Variants in RBL2 observed in about 807,000 individuals in gnomAD.
RBL2 encodes RB transcriptional corepressor like 2.
Under a neutral mutation model 126.0 loss-of-function variants are expected in RBL2, and 56 were observed. The observed-to-expected ratio is 0.44, with a 90% CI of 0.36 to 0.56. The LOEUF is 0.56. Among genes scored for constraint, RBL2 ranks in the 20% least tolerant of loss-of-function variants. The probability of loss-of-function intolerance (pLI) is 0.00; values close to 1 mark genes in which losing one functional copy is unlikely to be tolerated. For synonymous variants in RBL2, 454 were observed against 478.5 expected (o/e 0.95, Z 0.67); for missense variants, 1,229 against 1,398.2 (o/e 0.88, Z 1.93).
chr16:53,479,193 T>C lies in RBL2; in HGVS notation c.2743T>C (p.Cys915Arg), dbSNP rs770087912. Residue 915 changes from cysteine to arginine, a missense_variant, in exon 18 of 22, where the codon TGT becomes CGT. Coordinates refer to ENST00000262133, the MANE Select transcript of RBL2 (RefSeq NM_005611.4). Reference sequence around the variant, plus strand: ...TAAGTCCTTCCAGAACATTATGCGTTGTTATAGGACTCAGCCGCAGGCCCG... The same window carrying C: ...TAAGTCCTTCCAGAACATTATGCGTCGTTATAGGACTCAGCCGCAGGCCCG... ...EDKSFQNIMR[C>R]YRTQPQARSQ... is the part of the protein sequence containing the mutation. 3 of 1,613,912 alleles carry C rather than the reference T, an allele frequency of 1.9e-6. No individual in the cohort carries two copies. Among genetic ancestry groups the C allele is most frequent in the African/African-American group, 1.3e-5 (1 of 74,922 alleles).
At chr16:53,485,471 A>G (rs1331671535) in intron 21 of RBL2, among the ~76,000 whole-genome samples, 1 of 152,236 alleles carries the variant, frequency 6.6e-6, no homozygotes, top group Non-Finnish European at 1.5e-5. Flanking sequence ...TTAGTGACCT[A>G]AGATTTCAGC....
At chr16:53,440,190 G>A (rs922427740) in intron 2 of RBL2, among the ~76,000 whole-genome samples, 1 of 151,812 alleles carries the variant, frequency 6.6e-6, no homozygotes, top group Admixed American at 6.6e-5. Context: ...TAGCTACTCA[G>A]GAAGCCGAGT....
intron 18 of RBL2, 181 bp downstream of exon 18, chr16:53,479,406 C>T (rs1359850128): frequency 7.0e-6 from 4 of 572,254 alleles, no homozygotes; most frequent in Non-Finnish European, 9.2e-6. Context: ...GTCTCTTTTC[C>T]TCAAAAGGCA....
At chr16:53,434,978 C>A (rs1050876946) in intron 1 of RBL2, among the ~76,000 whole-genome samples, 182 bp downstream of exon 1, 46 of 152,302 alleles carry the variant, frequency 3.0e-4, no homozygotes, top group African/African-American at 1.1e-3. Flanking sequence ...CCCGCTCTCG[C>A]CGCGCTTTCC....
chr16:53,481,536 T>C, intron 20 of RBL2, 135 bp from the exon 21 acceptor site: 1 of 804,150 alleles, frequency 1.2e-6, no homozygotes, highest in Non-Finnish European at 1.9e-6. Context: ...TTCTTTAGGT[T>C]AAGTTATTGC....
chr16:53,480,831 G>T (rs1960916921), intron 20 of RBL2, 62 bp downstream of exon 20: 1 of 1,504,664 alleles, frequency 6.6e-7, no homozygotes, highest in African/African-American at 1.4e-5. Flanking sequence ...AATCATTTAT[G>T]ATTTATATAT....
chr16:53,476,695 G>C (rs922494725), intron 17 of RBL2, among the ~76,000 whole-genome samples: 2 of 152,138 alleles, frequency 1.3e-5, no homozygotes, highest in African/African-American at 4.8e-5. Flanking sequence ...AACTGTTATA[G>C]ATTCCTGATG....
intron 14 of RBL2, among the ~76,000 whole-genome samples, chr16:53,468,849 G>T (rs538471124): frequency 6.6e-6 from 1 of 152,260 alleles, no homozygotes; most frequent in Admixed American, 6.5e-5. Flanking sequence ...TCAGACATTG[G>T]TGTGAATACT....
rs1178709943 is a variant in RBL2 at position 53,490,296 on chromosome 16, A to T, written c.3416A>T (p.His1139Leu). 1 of 1,605,210 alleles carries T rather than the reference A, an allele frequency of 6.2e-7. No individual in the cohort carries two copies. ...GATGTAGCTAATGACCGTGGTTCCCACTGAGGTTAGTCTCTTGTATTAAAC... is the reference window on the plus strand; with the variant it reads ...GATGTAGCTAATGACCGTGGTTCCCTCTGAGGTTAGTCTCTTGTATTAAAC... The part of the protein sequence containing the change: ...LQDVANDRGS[H>L] Residue 1139 changes from histidine (H) to leucine (L), a missense_variant, in exon 22 of 22, where the codon CAC (histidine) becomes CTC (leucine). Around this residue, in one of 2 missense-constraint regions of RBL2, gnomAD observed 1,070 missense variants for 1,274.3 expected, o/e 0.84. Transcript: ENST00000262133.
At chr16:53,465,286 A>C (rs867591704) in intron 12 of RBL2, 152 bp from the exon 13 acceptor site, 41 of 503,444 alleles carry the variant, frequency 8.1e-5, no homozygotes, top group Middle Eastern at 1.1e-3. Context: ...TATATAATTC[A>C]TAGTTTGAAC....
Position 53,463,561 on chromosome 16 carries a change from CTTTTTTTTTTTTT to C in RBL2, c.1561-653_1561-641del, listed in dbSNP as rs770657237. On this transcript the variant is annotated intron_variant, in intron 11 of 21. Transcript: ENST00000262133. ...TGGCCCCTTTCAATATTTTTTTTTC[CTTTTTTTTTTTTT>C]TTTTTTTTTTTGAGCCAGAGTTTCG... is the stretch of plus-strand genomic sequence containing the variant. Among the ~76,000 whole-genome samples the C allele has an allele frequency of 6.4e-5, 6 of 94,392 alleles. No individual in the cohort carries two copies. The East Asian group carries it at 1.2e-3, about 19-fold the overall frequency. The allele number at this position is 94,392 out of a possible 152,430, so 61.9% of individuals were successfully genotyped here.
chr16:53,470,505 A>G lies in RBL2; in HGVS notation c.2368A>G (p.Ser790Gly). Residue 790 changes from serine to glycine, a missense_variant, in exon 16 of 22, where the codon AGC becomes GGC. Ser to Gly is a moderately conservative substitution (Grantham distance 56). Coordinates refer to ENST00000262133, the MANE Select transcript of RBL2 (RefSeq NM_005611.4). ...TGCTCAGGCCCTGGCTGGAAGTCTG[A>G]GCTCTCAACAGGTGACAGGAACAAC... The part of the protein sequence containing the change: ...LSAQALAGSL[S>G]SQQVTGTTLQ... 6.2e-7 allele frequency: 1 copy of G among 1,614,128 alleles called. No homozygotes were observed. Among genetic ancestry groups the G allele is most frequent in the Non-Finnish European group, 8.5e-7 (1 of 1,180,026 alleles).
intron 14 of RBL2, 55 bp downstream of exon 14, chr16:53,467,224 T>A (rs2058280927): frequency 2.1e-5 from 29 of 1,406,632 alleles, no homozygotes. Context: ...GAAATTTAAA[T>A]TTCATCTAAC....
chr16:53,454,845 G>T lies in RBL2; in HGVS notation c.1179+3G>T. 6.2e-7 allele frequency: 1 copy of T among 1,602,956 alleles called. No individual in the cohort carries two copies. The highest frequency in any genetic ancestry group is 1.3e-5 in the African/African-American group (1 of 74,806). On this transcript the variant is annotated splice_donor_region_variant and intron_variant, in intron 8 of 21. Transcript: ENST00000262133. ...TCTTACAGCAGCATTTTGACAAGGTGAGTTTAGCCATGCCAGAAGAGTAGA... is the reference window on the plus strand; with the variant it reads ...TCTTACAGCAGCATTTTGACAAGGTTAGTTTAGCCATGCCAGAAGAGTAGA...
At chr16:53,455,492 C>T (rs1195100460) in intron 8 of RBL2, among the ~76,000 whole-genome samples, 2 of 152,172 alleles carry the variant, frequency 1.3e-5, no homozygotes, top group African/African-American at 4.8e-5. Flanking sequence ...GTGTCCTGGA[C>T]ACTGGAGATA....
intron 17 of RBL2, among the ~76,000 whole-genome samples, chr16:53,476,818 G>A (rs1335523588): frequency 6.6e-6 from 1 of 152,074 alleles, no homozygotes; most frequent in Non-Finnish European, 1.5e-5. Flanking sequence ...GTTGCTGTCT[G>A]TATACCTCTT....
intron 1 of RBL2, among the ~76,000 whole-genome samples, 162 bp downstream of exon 1, chr16:53,434,958 C>G (rs2057942093): frequency 6.6e-6 from 1 of 152,110 alleles, no homozygotes; most frequent in African/African-American, 2.4e-5. Flanking sequence ...TTAGCCGCTC[C>G]GAGGGCTAAC....
chr16:53,434,878 A>T, intron 1 of RBL2, 82 bp downstream of exon 1: 1 of 1,388,368 alleles, frequency 7.2e-7, no homozygotes, highest in Non-Finnish European at 9.3e-7. Context: ...GCCTCGAGAG[A>T]CTCTCGGGCG....
At position 53,434,596 on chromosome 16, in the gene RBL2, C is replaced by G; in HGVS notation, c.40C>G (p.Pro14Ala). The change falls in exon 1 of 22, where the codon CCC (proline) becomes GCC (alanine). Residue 14 changes from proline (P) to alanine (A), a missense_variant. Coordinates refer to ENST00000262133, the MANE Select transcript of RBL2 (RefSeq NM_005611.4). Reference sequence around the variant, plus strand: ...TGACCAGTCGCCACCGCCCCCGCCTCCCCCTCCGGCGGCGGCAGCCTCGGA... The same window carrying G: ...TGACCAGTCGCCACCGCCCCCGCCTGCCCCTCCGGCGGCGGCAGCCTCGGA... ...GGDQSPPPPP[P>A]PPAAAASDEE... 2.6e-6 allele frequency: 4 copies of G among 1,547,944 alleles called. No individual in the cohort carries two copies. Among genetic ancestry groups the G allele is most frequent in the Non-Finnish European group, 3.5e-6 (4 of 1,156,124 alleles).
Sources: allele counts gnomAD v4.1 joint callset (sites outside exome capture counted in the v4.1 genomes callset), GRCh38; gene constraint gnomAD v4.1.1; regional missense constraint gnomAD v4.1.1; transcripts MANE v1.5; gene names NCBI Gene and HGNC (gene_info 2026-07-23, HGNC 2026-07-21).